NINL: variants seen among roughly 807,000 people sequenced by gnomAD.
The protein encoded by NINL is ninein-like protein.
NINL carries 153 observed loss-of-function variants against 160.3 expected under a neutral mutation model. That is an observed-to-expected ratio of 0.95 (90% CI 0.84 to 1.09). NINL has a LOEUF of 1.09. Ranked by LOEUF, NINL falls within the 50% of genes least tolerant of loss-of-function variation. The pLI is 0.00. For synonymous variants in NINL, 800 were observed against 734.8 expected (o/e 1.09, Z -1.43); for missense variants, 1,829 against 1,764.0 (o/e 1.04, Z -0.66).
chr20:25,481,807 A>T, intron 14 of NINL, 161 bp downstream of exon 14: 1 of 1,050,980 alleles, frequency 9.5e-7, no homozygotes, highest in Non-Finnish European at 1.4e-6. Context: ...ACCCTGTGGC[A>T]TCCCTGGATC....
At chr20:25,585,419 G>T (rs1159761442) in intron 1 of NINL, 36 bp downstream of exon 1, 3 of 152,144 alleles carry the variant, frequency 2.0e-5, no homozygotes, top group African/African-American at 7.2e-5. Context: ...CCCACCAGCC[G>T]CCTGAATGTC....
chr20:25,532,705 GAC>G (rs1213680440), intron 1 of NINL, among the ~76,000 whole-genome samples: 1 of 152,342 alleles, frequency 6.6e-6, no homozygotes, highest in East Asian at 1.9e-4. Context: ...AGGTGAGTCA[GAC>G]ACAGCAGGTC....
intron 1 of NINL, among the ~76,000 whole-genome samples, chr20:25,533,298 G>A (rs992980019): frequency 7.2e-5 from 11 of 152,042 alleles, no homozygotes; most frequent in African/African-American, 2.4e-4. Flanking sequence ...ACACACACAC[G>A]CGCACACAGA....
rs1161034818 is a variant in NINL at position 25,540,002 on chromosome 20, T to C, written c.-11-13404A>G. 4 of 1,287,436 alleles carry C rather than the reference T, an allele frequency of 3.1e-6. No homozygotes were observed. In the East Asian group the frequency reaches 2.2e-4, roughly 72 times the overall value. 79.8% of individuals were successfully genotyped at this position (1,287,436 alleles called of 1,614,324 possible). A position where few individuals can be genotyped will look rare whatever the true frequency, so the allele number is the denominator to read the frequency against. ...CAGCCTCACAACAAGCAGCTCACTG[T>C]AATAATACACACTGTTTACCTGCGC... On this transcript the variant is annotated intron_variant, in intron 1 of 23. Coordinates refer to ENST00000278886, the MANE Select transcript of NINL (RefSeq NM_025176.6).
At chr20:25,501,124 C>T in intron 7 of NINL, 114 bp from the exon 8 acceptor site, 1 of 1,335,578 alleles carries the variant, frequency 7.5e-7, no homozygotes, top group Non-Finnish European at 1.0e-6. Context: ...ACAGGAACAG[C>T]TCATGAGACC....
chr20:25,460,480 G>A (rs558240059), intron 21 of NINL, among the ~76,000 whole-genome samples: 4 of 152,282 alleles, frequency 2.6e-5, no homozygotes, highest in African/African-American at 7.2e-5. Flanking sequence ...GCCTCCCAGC[G>A]CCAGGTGCTG....
rs3036848 is a variant in NINL, at chr20:25,557,974, CAA to C, written c.-12+27479_-12+27480del. Among the ~76,000 whole-genome samples the C allele has an allele frequency of 7.0e-3, 930 of 132,720 alleles. 3 individuals are homozygous for C. Among genetic ancestry groups the C allele is most frequent in the Middle Eastern group, 0.023 (6 of 266 alleles). 87.1% of individuals were successfully genotyped at this position (132,720 alleles called of 152,430 possible). On this transcript the variant is annotated intron_variant, in intron 1 of 23. Coordinates refer to ENST00000278886, the MANE Select transcript of NINL (RefSeq NM_025176.6). ...TGAAACCCCGTCTCTACTAAAAATA[CAA>C]AAAAAAAAAAAAAAATGAGCCAGGT...
At chr20:25,556,739 C>T (rs532813432) in intron 1 of NINL, among the ~76,000 whole-genome samples, 4 of 152,242 alleles carry the variant, frequency 2.6e-5, no homozygotes, top group South Asian at 2.1e-4. Flanking sequence ...CCCAGGAGAT[C>T]GAGGCTGCAG....
chr20:25,562,063 G>A (rs1479461741), intron 1 of NINL, among the ~76,000 whole-genome samples: 17 of 144,560 alleles, frequency 1.2e-4, no homozygotes, highest in African/African-American at 3.4e-4. Context: ...CGCCCCGTCC[G>A]GGAGGCAGGT....
At chr20:25,577,621 T>C (rs1330009020) in intron 1 of NINL, among the ~76,000 whole-genome samples, 1 of 152,200 alleles carries the variant, frequency 6.6e-6, no homozygotes, top group Admixed American at 6.5e-5. Flanking sequence ...TTGCACTATA[T>C]TGACTGATGC....
At chr20:25,539,997 C>T in intron 1 of NINL, 2 of 1,285,604 alleles carry the variant, frequency 1.6e-6, no homozygotes, top group Non-Finnish European at 2.0e-6. Flanking sequence ...ACAAGCAGCT[C>T]ACTGTAATAA....
intron 19 of NINL, among the ~76,000 whole-genome samples, chr20:25,467,028 T>G (rs528836970): frequency 2.0e-5 from 3 of 152,324 alleles, no homozygotes; most frequent in Admixed American, 6.5e-5. Context: ...CTCGGGCCAG[T>G]GCAGAGCCTC....
intron 17 of NINL, among the ~76,000 whole-genome samples, chr20:25,475,268 A>T (rs936371402): frequency 7.2e-5 from 11 of 152,066 alleles, no homozygotes; most frequent in Non-Finnish European, 1.6e-4. Context: ...AAAAAACAAA[A>T]AACAAAAAAA....
Position 25,476,335 on chromosome 20 carries a change from A to G in NINL, c.2956T>C (p.Trp986Arg). The stretch of plus-strand genomic sequence containing the variant: ...GCCTGCTCCTGGGTGCCCCTGCTCC[A>G]GCTTCGTGCTCGCTCTTCCTGAATG... ...QAIQEERARSWSRGTQEQASE... is the reference protein window; with the variant it reads ...QAIQEERARSRSRGTQEQASE... The change falls in exon 17 of 24, where the codon TGG becomes CGG. Residue 986 changes from tryptophan to arginine, a missense_variant. Coordinates refer to ENST00000278886, the MANE Select transcript of NINL (RefSeq NM_025176.6). 1 of 1,612,638 alleles carries G rather than the reference A, an allele frequency of 6.2e-7. No individual in the cohort carries two copies. The highest frequency in any genetic ancestry group is 8.5e-7 in the Non-Finnish European group (1 of 1,179,910).
At chr20:25,515,421 G>A (rs2064142882) in intron 3 of NINL, among the ~76,000 whole-genome samples, 1 of 152,162 alleles carries the variant, frequency 6.6e-6, no homozygotes, top group Admixed American at 6.5e-5. Flanking sequence ...TTATTCTACA[G>A]GCTCATAGGC....
intron 1 of NINL, among the ~76,000 whole-genome samples, chr20:25,552,469 G>A (rs1263626854): frequency 6.6e-6 from 1 of 152,174 alleles, no homozygotes; most frequent in Non-Finnish European, 1.5e-5. Flanking sequence ...AAAATAAAAG[G>A]TAACATAATC....
At chr20:25,575,220 G>A (rs183725863) in intron 1 of NINL, among the ~76,000 whole-genome samples, 10 of 151,926 alleles carry the variant, frequency 6.6e-5, no homozygotes, top group Admixed American at 3.9e-4. Context: ...AGGCCGAGGC[G>A]GGCGGATCAT....
intron 1 of NINL, among the ~76,000 whole-genome samples, chr20:25,566,702 G>A (rs2065002662): frequency 6.6e-6 from 1 of 152,324 alleles, no homozygotes; most frequent in Admixed American, 6.5e-5. Flanking sequence ...GCCAAGGCAG[G>A]AGGCTTGCTG....
At chr20:25,556,482 G>T (rs1390822789) in intron 1 of NINL, among the ~76,000 whole-genome samples, 1 of 151,884 alleles carries the variant, frequency 6.6e-6, no homozygotes, top group Non-Finnish European at 1.5e-5. Flanking sequence ...AAAATTAGCT[G>T]GGCATGGTCA....
Sources: gnomAD v4.1 joint callset for allele counts (sites outside exome capture counted in the v4.1 genomes callset) on GRCh38, gnomAD v4.1.1 for gene constraint, MANE v1.5 for transcripts, NCBI Gene and HGNC (gene_info 2026-07-23, HGNC 2026-07-21) for gene names.